Variants in OTOGL observed in about 807,000 individuals in gnomAD.
The protein encoded by OTOGL is otogelin-like protein.
A neutral mutation model predicts 318.5 loss-of-function variants in OTOGL; 285 were observed. The ratio of observed to expected loss-of-function variants is 0.89; its 90% CI spans 0.81 to 0.99. OTOGL has a LOEUF of 0.99. Among genes scored for constraint, OTOGL ranks in the 50% least tolerant of loss-of-function variants. OTOGL has a pLI of 0.00. For missense variants in OTOGL, 2,899 were observed against 2,845.6 expected (o/e 1.02, Z -0.43); for synonymous variants, 987 against 936.5 (o/e 1.05, Z -0.99).
intron 26 of OTOGL, among the ~76,000 whole-genome samples, chr12:80,287,528 G>A (rs1160095323): frequency 1.3e-5 from 2 of 148,306 alleles, no homozygotes; most frequent in East Asian, 3.9e-4. Context: ...TTGTGTGAGA[G>A]TCTAAGTCTC....
At chr12:80,228,943 G>A (rs1005564007) in intron 7 of OTOGL, among the ~76,000 whole-genome samples, 3 of 151,978 alleles carry the variant, frequency 2.0e-5, no homozygotes, top group African/African-American at 4.8e-5. Flanking sequence ...CTTCTTTGTG[G>A]CACTCCAGAG....
At chr12:80,320,086 T>C (rs1887222492) in intron 33 of OTOGL, among the ~76,000 whole-genome samples, 1 of 152,200 alleles carries the variant, frequency 6.6e-6, no homozygotes, top group African/African-American at 2.4e-5. Context: ...GTCCAATTAA[T>C]CATTCAATTT....
At chr12:80,140,463 T>C (rs1397163454) in intron 1 of OTOGL, among the ~76,000 whole-genome samples, 1 of 152,204 alleles carries the variant, frequency 6.6e-6, no homozygotes, top group African/African-American at 2.4e-5. Flanking sequence ...CTTAAGTAAA[T>C]AAAGGAACAC....
At chr12:80,195,691 G>T (rs1424275243) in intron 1 of OTOGL, among the ~76,000 whole-genome samples, 1 of 152,142 alleles carries the variant, frequency 6.6e-6, no homozygotes, top group African/African-American at 2.4e-5. Context: ...GCCCTATCAT[G>T]GCTCTTTAAG....
rs541726133 is a variant in OTOGL, at chr12:80,180,005, C to A, written c.-19-29408C>A. On this transcript the variant is annotated intron_variant, in intron 1 of 58. Coordinates refer to ENST00000547103, the MANE Select transcript of OTOGL (RefSeq NM_001378609.3). ...CACTGTATCCTGCAGGTGGGATATG[C>A]CAGAAGATGTAGTCTAAGCTGTATC... is the stretch of plus-strand genomic sequence containing the variant. Among the ~76,000 whole-genome samples the A allele has an allele frequency of 3.3e-5, 5 of 152,292 alleles. No homozygotes were observed. The South Asian group carries it at 8.3e-4, about 25-fold the overall frequency.
chr12:80,352,719 C>G (rs1889629021), intron 45 of OTOGL, among the ~76,000 whole-genome samples: 1 of 152,148 alleles, frequency 6.6e-6, no homozygotes, highest in South Asian at 2.1e-4. Flanking sequence ...TGTGTCATCT[C>G]CAATTTCACT....
intron 10 of OTOGL, 114 bp downstream of exon 10, chr12:80,239,092 T>C: frequency 8.0e-7 from 1 of 1,257,232 alleles, no homozygotes; most frequent in Non-Finnish European, 1.0e-6. Context: ...AAATATTATA[T>C]CCAGGAAATG....
chr12:80,161,950 A>C (rs752895587), intron 1 of OTOGL, among the ~76,000 whole-genome samples: 1 of 152,206 alleles, frequency 6.6e-6, no homozygotes, highest in African/African-American at 2.4e-5. Context: ...CTTCAAAACA[A>C]AAGCTTTGCC....
chr12:80,257,972 C>T lies in OTOGL; in HGVS notation c.1859C>T (p.Thr620Ile), dbSNP rs753851889. The T allele has an allele frequency of 1.9e-6, 3 of 1,592,250 alleles. No individual in the cohort carries two copies. The highest frequency in any genetic ancestry group is 2.2e-5 in the East Asian group (1 of 44,758). ...WKRRTLGLCG[T>I]FNGNIRDDFL... ...AGAAGAACATTAGGTCTGTGTGGCA[C>T]TTTTAATGGCAACATAAGGGATGAT... The change falls in exon 18 of 59, where the codon ACT (threonine) becomes ATT (isoleucine). Residue 620 changes from threonine (T) to isoleucine (I), a missense_variant. Thr to Ile is a moderately conservative substitution (Grantham distance 89). Transcript: ENST00000547103.
At chr12:80,156,862 C>G (rs1391275878) in intron 1 of OTOGL, among the ~76,000 whole-genome samples, 1 of 152,106 alleles carries the variant, frequency 6.6e-6, no homozygotes, top group Non-Finnish European at 1.5e-5. Flanking sequence ...TAGATTGCAT[C>G]CAAATCTTGT....
chr12:80,294,026 A>G (rs1231652242), intron 26 of OTOGL, among the ~76,000 whole-genome samples: 1 of 152,126 alleles, frequency 6.6e-6, no homozygotes, highest in Non-Finnish European at 1.5e-5. Context: ...TTTGGGGCAT[A>G]TTCTGTATTA....
intron 1 of OTOGL, among the ~76,000 whole-genome samples, chr12:80,146,526 G>C (rs1035305226): frequency 1.3e-5 from 2 of 151,458 alleles, no homozygotes; most frequent in East Asian, 3.9e-4. Context: ...TCTCTTTTTT[G>C]GTTGTGTCTC....
At chr12:80,207,973 A>G (rs1876937977) in intron 1 of OTOGL, among the ~76,000 whole-genome samples, 1 of 152,208 alleles carries the variant, frequency 6.6e-6, no homozygotes, top group African/African-American at 2.4e-5. Flanking sequence ...AGAGACTAGT[A>G]ACCTTTTAAT....
At chr12:80,275,358 A>T (rs1883723344) in intron 24 of OTOGL, among the ~76,000 whole-genome samples, 1 of 151,958 alleles carries the variant, frequency 6.6e-6, no homozygotes, top group Non-Finnish European at 1.5e-5. Flanking sequence ...GGAAATAGCA[A>T]GAGAACTAGA....
At chr12:80,219,023 T>C (rs181760108) in intron 5 of OTOGL, among the ~76,000 whole-genome samples, 1 of 152,254 alleles carries the variant, frequency 6.6e-6, no homozygotes, top group East Asian at 1.9e-4. Context: ...AAACCTCAAA[T>C]GAAATGTTTA....
intron 1 of OTOGL, among the ~76,000 whole-genome samples, chr12:80,152,121 A>T (rs920733319): frequency 6.6e-6 from 1 of 152,032 alleles, no homozygotes; most frequent in African/African-American, 2.4e-5. Flanking sequence ...GAGAAATTAG[A>T]CTGGTGTCTC....
chr12:80,229,398 G>C lies in OTOGL; in HGVS notation c.611+20G>C. ...AATCAGGTAGGATATGGGAAACAGT[G>C]AAATGTCAGTAACACCACAAATTAA... On this transcript the variant is annotated intron_variant, in intron 8 of 58. Transcript: ENST00000547103. 2 of 1,585,286 alleles carry C rather than the reference G, an allele frequency of 1.3e-6. No individual in the cohort carries two copies. Among genetic ancestry groups the C allele is most frequent in the Non-Finnish European group, 1.7e-6 (2 of 1,167,580 alleles).
intron 23 of OTOGL, among the ~76,000 whole-genome samples, chr12:80,271,073 G>A (rs4525303): frequency 0.056 from 8,477 of 152,074 alleles, 764 homozygotes; most frequent in African/African-American, 0.19. Flanking sequence ...ACACACATTC[G>A]GTAGCTACAG....
At chr12:80,321,778 A>G (rs1887351880) in intron 34 of OTOGL, among the ~76,000 whole-genome samples, 1 of 152,152 alleles carries the variant, frequency 6.6e-6, no homozygotes, top group African/African-American at 2.4e-5. Flanking sequence ...GTGTGGTGAC[A>G]TACATTCTTT....
Sources: allele counts gnomAD v4.1 joint callset (sites outside exome capture counted in the v4.1 genomes callset), GRCh38; gene constraint gnomAD v4.1.1; transcripts MANE v1.5; gene names NCBI Gene and HGNC (gene_info 2026-07-23, HGNC 2026-07-21).